Variants in DIAPH3 observed in about 807,000 individuals in gnomAD.
DIAPH3 encodes diaphanous related formin 3, also known as protein diaphanous homolog 3.
A neutral mutation model predicts 144.3 loss-of-function variants in DIAPH3; 117 were observed. The ratio of observed to expected loss-of-function variants is 0.81; its 90% CI spans 0.70 to 0.95. The LOEUF is 0.95. Ranked by LOEUF, DIAPH3 falls within the 40% of genes least tolerant of loss-of-function variation. DIAPH3 has a pLI of 0.00. For missense variants in DIAPH3, 1,421 were observed against 1,412.7 expected (o/e 1.01, Z -0.09); for synonymous variants, 519 against 488.9 (o/e 1.06, Z -0.81).
chr13:60,015,745 A>G (rs1417777827), intron 7 of DIAPH3, among the ~76,000 whole-genome samples, 168 bp downstream of exon 7: 1 of 152,160 alleles, frequency 6.6e-6, no homozygotes, highest in Non-Finnish European at 1.5e-5. Context: ...ATTCATTATC[A>G]AGTTTCTCCT....
At chr13:59,863,535 G>A (rs2139945949) in intron 21 of DIAPH3, among the ~76,000 whole-genome samples, 1 of 152,196 alleles carries the variant, frequency 6.6e-6, no homozygotes, top group Non-Finnish European at 1.5e-5. Context: ...CGTACCATCA[G>A]ACATATTAAC....
chr13:60,056,083 T>G (rs1160460004), intron 4 of DIAPH3, among the ~76,000 whole-genome samples: 1 of 151,708 alleles, frequency 6.6e-6, no homozygotes, highest in African/African-American at 2.4e-5. Context: ...TGAACAATAA[T>G]GTCAGAGAAA....
intron 3 of DIAPH3, 127 bp from the exon 4 acceptor site, chr13:60,093,859 T>A (rs2058028492): frequency 1.4e-6 from 1 of 690,926 alleles, no homozygotes; most frequent in Non-Finnish European, 2.6e-6. Context: ...ATGATTTACG[T>A]GTAGTTCTGC....
At chr13:59,723,981 G>T in intron 27 of DIAPH3, among the ~76,000 whole-genome samples, 1 of 114,468 alleles carries the variant, frequency 8.7e-6, no homozygotes. Flanking sequence ...AAAAAAAAAA[G>T]AATATGATTG....
intron 2 of DIAPH3, among the ~76,000 whole-genome samples, chr13:60,123,048 G>A (rs368051290): frequency 5.9e-5 from 9 of 151,920 alleles, no homozygotes; most frequent in Admixed American, 3.3e-4. Flanking sequence ...ATCAATAATC[G>A]CTTTCTACTT....
chr13:59,878,398 T>C (rs1368190784), intron 21 of DIAPH3, among the ~76,000 whole-genome samples: 6 of 152,116 alleles, frequency 3.9e-5, no homozygotes, highest in South Asian at 2.1e-4. Flanking sequence ...AGTAAACCTA[T>C]AGGTAAAGCA....
At chr13:60,105,099 CAAAAAA>C (rs60853102) in intron 3 of DIAPH3, among the ~76,000 whole-genome samples, 3 of 41,826 alleles carry the variant, frequency 7.2e-5, no homozygotes, top group East Asian at 1.4e-3. Flanking sequence ...GACACGATCT[CAAAAAA>C]AAAAAAAAAA....
intron 4 of DIAPH3, among the ~76,000 whole-genome samples, chr13:60,050,893 G>T (rs2056312508): frequency 6.6e-6 from 1 of 152,170 alleles, no homozygotes; most frequent in Non-Finnish European, 1.5e-5. Flanking sequence ...GGCATAAGAT[G>T]CAGTGATGGA....
intron 25 of DIAPH3, among the ~76,000 whole-genome samples, chr13:59,800,319 T>C (rs2039839429): frequency 6.6e-6 from 1 of 152,220 alleles, no homozygotes; most frequent in South Asian, 2.1e-4. Context: ...ACTGAGTTCA[T>C]ATCCTACTTA....
At position 59,737,779 on chromosome 13, in the gene DIAPH3, T is replaced by C. The variant is rs1048425375; in HGVS notation, c.3319+36410A>G. 8.5e-5 allele frequency among the ~76,000 whole-genome samples: 13 copies of C among 152,288 alleles called. No homozygotes were observed. In the South Asian group the frequency reaches 1.7e-3, roughly 19 times the overall value. On this transcript the variant is annotated intron_variant, in intron 27 of 27. Coordinates refer to ENST00000400324, the MANE Select transcript of DIAPH3 (RefSeq NM_001042517.2). ...TACAACAAAACACTGGCCATTATAG[T>C]AGTTGCTCATTCTACGCAAACTCTT...
At chr13:59,904,844 C>T (rs2046639983) in intron 20 of DIAPH3, among the ~76,000 whole-genome samples, 1 of 151,698 alleles carries the variant, frequency 6.6e-6, no homozygotes, top group Non-Finnish European at 1.5e-5. Flanking sequence ...TTACAAGCTA[C>T]AAGGCAATAA....
intron 22 of DIAPH3, among the ~76,000 whole-genome samples, chr13:59,840,988 A>C (rs2042310532): frequency 6.6e-6 from 1 of 152,128 alleles, no homozygotes; most frequent in Non-Finnish European, 1.5e-5. Flanking sequence ...CATTGCTCAT[A>C]GTGGTAACAT....
intron 27 of DIAPH3, among the ~76,000 whole-genome samples, chr13:59,753,319 G>A (rs1231587580): frequency 6.6e-6 from 1 of 152,182 alleles, no homozygotes. Context: ...TCTAATTTAT[G>A]AGATCAAGAG....
At chr13:59,753,667 G>C (rs1267606838) in intron 27 of DIAPH3, among the ~76,000 whole-genome samples, 1 of 152,108 alleles carries the variant, frequency 6.6e-6, no homozygotes. Context: ...CTCCAGAATA[G>C]TTGTGCCTTC....
intron 21 of DIAPH3, among the ~76,000 whole-genome samples, chr13:59,863,235 T>C (rs1437471744): frequency 6.6e-6 from 1 of 152,018 alleles, no homozygotes; most frequent in Non-Finnish European, 1.5e-5. Context: ...TCTGGTAGCA[T>C]TCCCTACCAT....
chr13:60,131,034 A>G lies in DIAPH3; in HGVS notation c.213+1923T>C, dbSNP rs561511390. On this transcript the variant is annotated intron_variant, in intron 2 of 27. Transcript: ENST00000400324. ...GTTGGCAGTGTGCAAGGACTGTCAT[A>G]TAATGAAAATAAGGGCAGTGTTTGA... Among the ~76,000 whole-genome samples, 18 of 152,296 alleles carry G rather than the reference A, an allele frequency of 1.2e-4. No homozygotes were observed. The South Asian group carries it at 3.7e-3, about 32-fold the overall frequency.
At chr13:60,161,842 TG>T (rs1341054478) in intron 1 of DIAPH3, among the ~76,000 whole-genome samples, 1 of 151,884 alleles carries the variant, frequency 6.6e-6, no homozygotes, top group Non-Finnish European at 1.5e-5. Context: ...AATAAGCAAA[TG>T]GAACTTATTA....
rs111767524 is a variant in DIAPH3 at position 60,015,916 on chromosome 13, C to T, written c.768G>A (p.Thr256=). Reference sequence around the variant, plus strand: ...TACTAATTACGTATGTACATACCTGCGTATTCATCAGGGCTTTTAGACACT... The same window carrying T: ...TACTAATTACGTATGTACATACCTGTGTATTCATCAGGGCTTTTAGACACT... The part of the protein sequence containing the change: ...VIQCLKALMN[T]QYGLERIMSE... The change falls in exon 7 of 28, where the codon ACG becomes ACA. Residue 256 remains threonine (T), a synonymous_variant. Coordinates refer to ENST00000400324, the MANE Select transcript of DIAPH3 (RefSeq NM_001042517.2). 1.7e-5 allele frequency: 28 copies of T among 1,610,758 alleles called. No homozygotes were observed. Among genetic ancestry groups the T allele is most frequent in the African/African-American group, 1.1e-4 (8 of 74,930 alleles).
chr13:59,981,486 C>G (rs1431466330), intron 13 of DIAPH3, among the ~76,000 whole-genome samples: 2 of 137,504 alleles, frequency 1.5e-5, no homozygotes. Flanking sequence ...CCTGAAAACT[C>G]ATTAAAATAT....
Sources: allele counts gnomAD v4.1 joint callset (sites outside exome capture counted in the v4.1 genomes callset), GRCh38; gene constraint gnomAD v4.1.1; transcripts MANE v1.5; gene names NCBI Gene and HGNC (gene_info 2026-07-23, HGNC 2026-07-21).